OXNAD1: variants seen among roughly 807,000 people sequenced by gnomAD.
The protein encoded by OXNAD1 is oxidoreductase NAD-binding domain-containing protein 1.
Under a neutral mutation model 32.9 loss-of-function variants are expected in OXNAD1, and 34 were observed. The observed-to-expected ratio is 1.03, with a 90% CI of 0.79 to 1.38. OXNAD1 has a LOEUF of 1.38. Among genes scored for constraint, OXNAD1 ranks in the 40% most tolerant of loss-of-function variants. The pLI, the probability that OXNAD1 is intolerant of heterozygous loss-of-function variation, is 0.00. For missense variants in OXNAD1, 407 were observed against 379.4 expected, an observed-to-expected ratio of 1.07 and a Z score of -0.60; for synonymous variants, 134 against 135.2, an observed-to-expected ratio of 0.99 and a Z score of 0.06.
rs1181345649 is a variant in OXNAD1 at position 16,312,084 on chromosome 3, TGCA to T, written c.*30+8495_*30+8497del. Among the ~76,000 whole-genome samples the T allele has an allele frequency of 6.6e-6, 1 of 152,238 alleles. No homozygotes were observed. The highest frequency in any genetic ancestry group is 1.5e-5 in the Non-Finnish European group (1 of 68,038). ...AGCCAGGTTCAGAGAGCCATTCATC[TGCA>T]GCCAGGGTTCATTTTCTTAGTCTAG... On this transcript the variant is annotated intron_variant, in intron 9 of 9. Transcript: ENST00000435829. This position sits in a 1 kb window ranked among gnomAD's most constrained non-coding sequence, Gnocchi z 4.7.
chr3:16,302,647 T>G lies in OXNAD1; in HGVS notation c.683T>G (p.Ile228Ser). The G allele has an allele frequency of 6.2e-7, 1 of 1,607,950 alleles. No individual in the cohort carries two copies. The highest frequency in any genetic ancestry group is 1.7e-5 in the Admixed American group (1 of 59,802). ...NTSELLFKKN[I>S]LDLVNEFPEK... is the part of the protein sequence containing the mutation. Reference sequence around the variant, plus strand: ...ATATGTTTGACATTCCAGAAAAATATCCTTGATTTAGTAAATGAATTTCCT... The same window carrying G: ...ATATGTTTGACATTCCAGAAAAATAGCCTTGATTTAGTAAATGAATTTCCT... The change falls in exon 8 of 9, where the codon ATC (isoleucine) becomes AGC (serine). Residue 228 changes from isoleucine to serine, a missense_variant. Ile to Ser is a moderately radical substitution (Grantham distance 142). Transcript: ENST00000285083. The surrounding 1 kb of genome is among the most constrained non-coding windows in gnomAD (Gnocchi z 4.2).
Position 16,301,532 on chromosome 3 carries a change from A to T in OXNAD1, c.433-94A>T. On this transcript the variant is annotated intron_variant, in intron 6 of 8. Transcript: ENST00000285083. The surrounding 1 kb of genome is among the most constrained non-coding windows in gnomAD (Gnocchi z 4.1). ...TATAAAAATAGTCTTAAATACTGAT[A>T]ATACAGGAGATAGACCCAGTTTTAT... 1.4e-6 allele frequency: 2 copies of T among 1,410,584 alleles called. No individual in the cohort carries two copies. The highest frequency in any genetic ancestry group is 1.9e-6 in the Non-Finnish European group (2 of 1,029,788). 87.4% of individuals were successfully genotyped at this position (1,410,584 alleles called of 1,614,324 possible).
At chr3:16,337,479 C>G (rs1174790310), downstream of OXNAD1, 3 of 152,054 alleles carry the variant, frequency 2.0e-5, no homozygotes, top group Non-Finnish European at 4.4e-5. The surrounding 1 kb of genome is among the most constrained non-coding windows in gnomAD (Gnocchi z 5.0). Context: ...CTCAGTGGCT[C>G]ACGCCTGTAA....
chr3:16,350,414 A>T (rs1013473547), downstream of OXNAD1: 1 of 152,170 alleles, frequency 6.6e-6, no homozygotes, highest in South Asian at 2.1e-4. Context: ...GGGCATTTCA[A>T]ATTGTTAACA....
chr3:16,295,837 T>C (rs184167942), intron 6 of OXNAD1, among the ~76,000 whole-genome samples: 268 of 152,294 alleles, frequency 1.8e-3, no homozygotes, highest in African/African-American at 6.3e-3. Flanking sequence ...CTGGAAATCA[T>C]TGAAAATCAA....
In OXNAD1 at chr3:16,297,039, A is replaced by G. The variant is rs1190072226; in HGVS notation, c.432+2042A>G. ...TTTTCTACAAAAGGCATTTAACACA[A>G]TTTAAAAACAAGCTACAGACTAGGA... On this transcript the variant is annotated intron_variant, in intron 6 of 8. Coordinates refer to ENST00000285083, the MANE Select transcript of OXNAD1 (RefSeq NM_138381.5). This position sits in a 1 kb window ranked among gnomAD's most constrained non-coding sequence, Gnocchi z 4.3. Among the ~76,000 whole-genome samples, 1 of 152,224 alleles carries G rather than the reference A, an allele frequency of 6.6e-6. No individual in the cohort carries two copies. Among genetic ancestry groups the G allele is most frequent in the Non-Finnish European group, 1.5e-5 (1 of 68,040 alleles).
At chr3:16,270,502 G>C (rs562343965) in intron 2 of OXNAD1, among the ~76,000 whole-genome samples, 3 of 152,230 alleles carry the variant, frequency 2.0e-5, no homozygotes, top group East Asian at 1.9e-4. Context: ...TTAATATCTG[G>C]AAACCTTAAG....
At position 16,312,445 on chromosome 3, in the gene OXNAD1, G is replaced by A. The variant is rs533944974; in HGVS notation, c.*30+8853G>A. Among the ~76,000 whole-genome samples the A allele has an allele frequency of 9.3e-5, 14 of 151,228 alleles. No individual in the cohort carries two copies. Among genetic ancestry groups the A allele is most frequent in the East Asian group, 7.7e-4 (4 of 5,188 alleles). On this transcript the variant is annotated intron_variant, in intron 9 of 9. Coordinates refer to the OXNAD1 transcript ENST00000435829. This position sits in a 1 kb window ranked among gnomAD's most constrained non-coding sequence, Gnocchi z 4.7. Reference sequence around the variant, plus strand: ...GTGGCAACAACTGGGAGTCAGTGCCGAGCTTCTCCTGGCCACACACACCAG... The same window carrying A: ...GTGGCAACAACTGGGAGTCAGTGCCAAGCTTCTCCTGGCCACACACACCAG...
chr3:16,323,716 G>A (rs483682), intron 9 of OXNAD1, among the ~76,000 whole-genome samples: 49,804 of 152,134 alleles, frequency 0.33, 8,917 homozygotes, highest in East Asian at 0.44. Context: ...TTCCCTTAAT[G>A]GGAAGTAACA....
intron 4 of OXNAD1, among the ~76,000 whole-genome samples, chr3:16,273,154 A>G (rs1026669771): frequency 5.3e-5 from 8 of 152,152 alleles, no homozygotes; most frequent in African/African-American, 1.9e-4. Flanking sequence ...ATTAATTTTA[A>G]TAGCCTGCAG....
Position 16,271,813 on chromosome 3 carries a change from G to A in OXNAD1, c.183+91G>A, listed in dbSNP as rs6796483. On this transcript the variant is annotated intron_variant, in intron 4 of 8. Coordinates refer to ENST00000285083, the MANE Select transcript of OXNAD1 (RefSeq NM_138381.5). This position sits in a 1 kb window ranked among gnomAD's most constrained non-coding sequence, Gnocchi z 4.6. The stretch of plus-strand genomic sequence containing the variant: ...TATGGGTAAAGCATTAGATGAGTCT[G>A]GTCCTTTTGAAGGAGAGTTGGGAAG... 155,501 of 1,106,480 alleles carry A rather than the reference G, an allele frequency of 0.14. 11,556 individuals are homozygous for A. The highest frequency in any genetic ancestry group is 0.21 in the African/African-American group (13,186 of 62,306). The allele number at this position is 1,106,480 out of a possible 1,614,324, so 68.5% of individuals were successfully genotyped here.
rs1300602878 is a variant in OXNAD1, at chr3:16,344,664, G to A, written c.*31-4512G>A. ...AAGCCCCTGAAAAAGATGTGAAACA[G>A]GCCAAGGCACAGGATGGCATCAGAA... On this transcript the variant is annotated intron_variant, in intron 9 of 9. Transcript: ENST00000606098. The surrounding 1 kb of genome is among the most constrained non-coding windows in gnomAD (Gnocchi z 4.4). 1.3e-5 allele frequency among the ~76,000 whole-genome samples: 2 copies of A among 152,180 alleles called. No homozygotes were observed. Among genetic ancestry groups the A allele is most frequent in the Non-Finnish European group, 2.9e-5 (2 of 68,030 alleles).
chr3:16,311,783 A>G (rs1262936144), intron 9 of OXNAD1, among the ~76,000 whole-genome samples: 2 of 152,150 alleles, frequency 1.3e-5, no homozygotes, highest in South Asian at 2.1e-4. Flanking sequence ...GCAGCCAGAA[A>G]GACGTTTTAA....
At position 16,336,804 on chromosome 3, in the gene OXNAD1, A is replaced by G. The variant is rs576386274; in HGVS notation, c.*31-308A>G. Among the ~76,000 whole-genome samples the G allele has an allele frequency of 6.6e-6, 1 of 152,178 alleles. No homozygotes were observed. The highest frequency in any genetic ancestry group is 2.4e-5 in the African/African-American group (1 of 41,446). ...TTCACATCTTTGTCTCATTTTCTCTACCAGGTAAGAAAGGCAGCAAACTCA... is the reference window on the plus strand; with the variant it reads ...TTCACATCTTTGTCTCATTTTCTCTGCCAGGTAAGAAAGGCAGCAAACTCA... On this transcript the variant is annotated intron_variant, in intron 9 of 9. Coordinates refer to the OXNAD1 transcript ENST00000435829. The surrounding 1 kb of genome is among the most constrained non-coding windows in gnomAD (Gnocchi z 6.0).
Position 16,311,197 on chromosome 3 carries a change from T to A in OXNAD1, c.*30+7605T>A, listed in dbSNP as rs919933242. ...GTCTTTTTTTAAAAATATTATATAT[T>A]TTATATATTTTTTTCAAACGGAGTC... On this transcript the variant is annotated intron_variant, in intron 9 of 9. Transcript: ENST00000435829. Among the ~76,000 whole-genome samples, 6 of 32,124 alleles carry A rather than the reference T, an allele frequency of 1.9e-4. No individual in the cohort carries two copies. The Admixed American group carries it at 3.0e-3, about 16-fold the overall frequency. 21.1% of individuals were successfully genotyped at this position (32,124 alleles called of 152,430 possible). A position where few individuals can be genotyped will look rare whatever the true frequency, so the allele number is the denominator to read the frequency against.
At chr3:16,269,952 A>G (rs1334559256) in intron 2 of OXNAD1, among the ~76,000 whole-genome samples, 2 of 152,228 alleles carry the variant, frequency 1.3e-5, no homozygotes, top group Non-Finnish European at 2.9e-5. Context: ...AAAATGATGG[A>G]AAAGGAACCA....
rs2071533381 is a variant in OXNAD1, at chr3:16,344,825, G to C, written c.*31-4351G>C. Among the ~76,000 whole-genome samples the C allele has an allele frequency of 6.6e-6, 1 of 152,154 alleles. No individual in the cohort carries two copies. The highest frequency in any genetic ancestry group is 1.5e-5 in the Non-Finnish European group (1 of 68,024). On this transcript the variant is annotated intron_variant, in intron 9 of 9. Transcript: ENST00000606098. The surrounding 1 kb of genome is among the most constrained non-coding windows in gnomAD (Gnocchi z 4.4). ...AAGCCTTGGCCAGGTGAATTTCAAA[G>C]AACATATTTCAAGGAGTGGTAGTGA...
At chr3:16,294,050 C>T (rs1249342695) in intron 5 of OXNAD1, among the ~76,000 whole-genome samples, 1 of 152,104 alleles carries the variant, frequency 6.6e-6, no homozygotes, top group East Asian at 1.9e-4. Context: ...CTTTCAATGT[C>T]TTTGTCTGGC....
In OXNAD1 at chr3:16,335,090, C is replaced by G. The variant is rs1465359541; in HGVS notation, c.*31-2022C>G. On this transcript the variant is annotated intron_variant, in intron 9 of 9. Transcript: ENST00000435829. The surrounding 1 kb of genome is among the most constrained non-coding windows in gnomAD (Gnocchi z 4.7). ...GCCCCTTAATACTCATTTCAGACTT[C>G]TGACTCAACAAATGTAAGACAATAA... 1.3e-5 allele frequency among the ~76,000 whole-genome samples: 2 copies of G among 152,248 alleles called. No individual in the cohort carries two copies. The highest frequency in any genetic ancestry group is 3.8e-4 in the East Asian group (2 of 5,202).
Sources: gnomAD v4.1 joint callset for allele counts (sites outside exome capture counted in the v4.1 genomes callset) on GRCh38, gnomAD v4.1.1 for gene constraint, Gnocchi (gnomAD v3.1) non-coding constraint, MANE v1.5 for transcripts, NCBI Gene and HGNC (gene_info 2026-07-23, HGNC 2026-07-21) for gene names.